The following CNTN4 variants were observed in gnomAD, a reference collection of about 807,000 sequenced individuals.
CNTN4 encodes contactin-4.
CNTN4 carries 77 observed loss-of-function variants against 122.5 expected under a neutral mutation model. The ratio of observed to expected loss-of-function variants is 0.63; its 90% CI spans 0.52 to 0.76. The LOEUF (loss-of-function observed/expected upper bound fraction) is 0.76, where lower values mean the gene tolerates loss of function less well. CNTN4 is among the 30% of genes least tolerant of loss of function. The pLI, the probability that CNTN4 is intolerant of heterozygous loss-of-function variation, is 0.00. For synonymous variants in CNTN4, 512 were observed against 447.0 expected, an observed-to-expected ratio of 1.15 and a Z score of -1.83; for missense variants, 1,256 against 1,259.1, an observed-to-expected ratio of 1.00 and a Z score of 0.04.
intron 3 of CNTN4, among the ~76,000 whole-genome samples, chr3:2,560,855 A>G (rs1036563139): frequency 1.3e-5 from 2 of 152,198 alleles, no homozygotes; most frequent in African/African-American, 4.8e-5. Context: ...CTAATTTGTA[A>G]GTAAAGGATA....
Position 2,369,579 on chromosome 3 carries a change from C to T in CNTN4, c.-89+30346C>T, listed in dbSNP as rs116081095. Among the ~76,000 whole-genome samples, 1,207 of 152,172 alleles carry T rather than the reference C, an allele frequency of 7.9e-3. 22 individuals are homozygous for T. The highest frequency in any genetic ancestry group is 0.028 in the African/African-American group (1,151 of 41,512). On this transcript the variant is annotated intron_variant, in intron 3 of 24. Coordinates refer to ENST00000418658, the MANE Select transcript of CNTN4 (RefSeq NM_175607.3). ...TAATTTTAGGGAGAATAGGATGCCC[C>T]CCATCACACATAATGGCTTTATCAT...
At position 2,803,036 on chromosome 3, in the gene CNTN4, T is replaced by G. The variant is rs145800183; in HGVS notation, c.359-16450T>G. ...ACAGAGATATAGTAGGAAAAGATATTTGTAAAAATGTAACAAATAGAGGTT... is the reference window on the plus strand; with the variant it reads ...ACAGAGATATAGTAGGAAAAGATATGTGTAAAAATGTAACAAATAGAGGTT... On this transcript the variant is annotated intron_variant, in intron 6 of 24. Coordinates refer to ENST00000418658, the MANE Select transcript of CNTN4 (RefSeq NM_175607.3). Among the ~76,000 whole-genome samples the G allele has an allele frequency of 1.7e-4, 26 of 152,256 alleles. No homozygotes were observed. The East Asian group carries it at 4.8e-3, about 28-fold the overall frequency.
rs543468336 is a variant in CNTN4, at chr3:2,711,346, A to C, written c.56-24869A>C. Among the ~76,000 whole-genome samples the C allele has an allele frequency of 2.0e-5, 3 of 152,316 alleles. No individual in the cohort carries two copies. The South Asian group carries it at 6.2e-4, about 32-fold the overall frequency. On this transcript the variant is annotated intron_variant, in intron 4 of 24. Coordinates refer to ENST00000418658, the MANE Select transcript of CNTN4 (RefSeq NM_175607.3). ...TGCCTCCTGGGAATGCTGGAGTGTTACAAAGCCTCCTGATTTTTTAAGAGC... is the reference window on the plus strand; with the variant it reads ...TGCCTCCTGGGAATGCTGGAGTGTTCCAAAGCCTCCTGATTTTTTAAGAGC...
intron 3 of CNTN4, among the ~76,000 whole-genome samples, chr3:2,361,950 A>C (rs2045162778): frequency 6.6e-6 from 1 of 152,234 alleles, no homozygotes; most frequent in Non-Finnish European, 1.5e-5. Flanking sequence ...TATGGTCAGC[A>C]GAAACACAGA....
chr3:2,729,611 T>A (rs562646257), intron 4 of CNTN4, among the ~76,000 whole-genome samples: 1 of 146,994 alleles, frequency 6.8e-6, no homozygotes, highest in South Asian at 2.2e-4. Context: ...TCATAACTAG[T>A]TTTAAAACTT....
intron 6 of CNTN4, among the ~76,000 whole-genome samples, chr3:2,766,693 A>G (rs925270375): frequency 1.3e-5 from 2 of 152,204 alleles, no homozygotes; most frequent in Non-Finnish European, 2.9e-5. Context: ...GATCACCAGT[A>G]AAGAACTTAC....
intron 23 of CNTN4, among the ~76,000 whole-genome samples, chr3:3,051,802 T>A (rs1204903913): frequency 6.6e-6 from 1 of 152,228 alleles, no homozygotes; most frequent in African/African-American, 2.4e-5. Context: ...AGGAATTTTA[T>A]GAATTTCACT....
intron 3 of CNTN4, among the ~76,000 whole-genome samples, chr3:2,499,197 G>GATCT (rs1246416919): frequency 6.6e-6 from 1 of 152,108 alleles, no homozygotes; most frequent in Non-Finnish European, 1.5e-5. Flanking sequence ...TTAAGTCCAT[G>GATCT]ATCTATTTTG....
chr3:2,595,282 A>G (rs1333116398), intron 4 of CNTN4, among the ~76,000 whole-genome samples: 1 of 152,190 alleles, frequency 6.6e-6, no homozygotes, highest in East Asian at 1.9e-4. Context: ...TTTTAAAGAT[A>G]TTATCCTTAG....
rs1145039 is a variant in CNTN4 at position 2,328,268 on chromosome 3, T to A, written c.-144-10910T>A. 1.1e-3 allele frequency among the ~76,000 whole-genome samples: 170 copies of A among 148,976 alleles called. 4 individuals carry two copies. In the East Asian group the frequency reaches 0.031, roughly 27 times the overall value. On this transcript the variant is annotated intron_variant, in intron 2 of 24. Transcript: ENST00000418658. ...AAAATACAAAAAAATTAGCCGGGCG[T>A]GGTGGCGGGCGCCTGTAGTCCCAGC...
intron 6 of CNTN4, among the ~76,000 whole-genome samples, chr3:2,804,091 A>ACACACACT (rs765327201): frequency 0.039 from 5,669 of 144,188 alleles, 141 homozygotes; most frequent in Non-Finnish European, 0.059. Context: ...ACACACACAC[A>ACACACACT]CACACACGTA....
At chr3:2,387,269 T>C (rs35498050) in intron 3 of CNTN4, among the ~76,000 whole-genome samples, 25,050 of 152,184 alleles carry the variant, frequency 0.16, 2,535 homozygotes, top group Middle Eastern at 0.26. Context: ...AAGGGTTCTT[T>C]ACAAAGTATT....
chr3:2,629,764 CTGTT>C (rs988206231), intron 4 of CNTN4, among the ~76,000 whole-genome samples: 3 of 152,082 alleles, frequency 2.0e-5, no homozygotes, highest in African/African-American at 4.8e-5. Flanking sequence ...CTGTGTTATT[CTGTT>C]TGTTTGTTTG....
intron 4 of CNTN4, among the ~76,000 whole-genome samples, chr3:2,630,305 G>A (rs1285173836): frequency 4.6e-5 from 7 of 152,132 alleles, no homozygotes; most frequent in Non-Finnish European, 8.8e-5. Context: ...CAGGCATGGG[G>A]GTACACAACT....
chr3:2,405,595 GTAGA>G (rs61138023), intron 3 of CNTN4, among the ~76,000 whole-genome samples: 68,959 of 149,720 alleles, frequency 0.46, 16,112 homozygotes, highest in South Asian at 0.63. Context: ...TTATAGATAG[GTAGA>G]TAGATAGATA....
chr3:2,708,627 A>C (rs2086889019), intron 4 of CNTN4, among the ~76,000 whole-genome samples: 1 of 152,156 alleles, frequency 6.6e-6, no homozygotes, highest in Non-Finnish European at 1.5e-5. Context: ...GAATATTCAA[A>C]ACCTTAAATC....
intron 2 of CNTN4, among the ~76,000 whole-genome samples, chr3:2,218,002 G>A (rs2038918624): frequency 6.6e-6 from 1 of 152,172 alleles, no homozygotes; most frequent in South Asian, 2.1e-4. Context: ...AAATTGGAAG[G>A]CTGGTATTTC....
chr3:2,636,940 G>GTTTTTTTTTTTTTTTTTTGTT (rs34067643), intron 4 of CNTN4, among the ~76,000 whole-genome samples: 1 of 95,112 alleles, frequency 1.1e-5, no homozygotes, highest in Non-Finnish European at 2.0e-5. Flanking sequence ...TTTTTTTTTG[G>GTTTTTTTTTTTTTTTTTTGTT]TTTTTTTTTT....
At chr3:2,307,463 C>G (rs562354347) in intron 2 of CNTN4, among the ~76,000 whole-genome samples, 1 of 151,848 alleles carries the variant, frequency 6.6e-6, no homozygotes, top group African/African-American at 2.4e-5. Flanking sequence ...AGCAAGACAA[C>G]CATTCTTGTC....
Sources: gnomAD v4.1 joint callset for allele counts (sites outside exome capture counted in the v4.1 genomes callset) on GRCh38, gnomAD v4.1.1 for gene constraint, MANE v1.5 for transcripts, NCBI Gene and HGNC (gene_info 2026-07-23, HGNC 2026-07-21) for gene names.